The following PIK3C3 variants were observed in gnomAD, a reference collection of about 807,000 sequenced individuals.
The protein encoded by PIK3C3 is phosphatidylinositol 3-kinase catalytic subunit type 3.
Under a neutral mutation model 126.1 loss-of-function variants are expected in PIK3C3, and 95 were observed. The observed-to-expected ratio is 0.75, with a 90% confidence interval of 0.64 to 0.89. The LOEUF is 0.89. Ranked by LOEUF, PIK3C3 falls within the 40% of genes least tolerant of loss-of-function variation. The pLI is 0.00. For missense variants in PIK3C3, 829 were observed against 1,063.2 expected, an observed-to-expected ratio of 0.78 and a Z score of 3.06; for synonymous variants, 374 against 360.0, an observed-to-expected ratio of 1.04 and a Z score of -0.44.
intron 19 of PIK3C3, among the ~76,000 whole-genome samples, chr18:42,041,705 A>G (rs903072501): frequency 6.6e-6 from 1 of 151,974 alleles, no homozygotes; most frequent in Non-Finnish European, 1.5e-5. Flanking sequence ...GCCTTTCCCT[A>G]TTTAATTGTT....
chr18:42,086,846 G>A lies in PIK3C3; in HGVS notation c.*5709G>A, dbSNP rs1265060019. ...AACCAGCAGCTCATGCTGCTGGTCT[G>A]CCTATGGAGTAGCCATCCTTTCTTT... On this transcript the variant is annotated 3_prime_UTR_variant, in exon 25 of 25. Transcript: ENST00000262039. 6.6e-6 allele frequency: 1 copy of A among 152,184 alleles called. No individual in the cohort carries two copies. Among genetic ancestry groups the A allele is most frequent in the Non-Finnish European group, 1.5e-5 (1 of 68,024 alleles). The allele number at this position is 152,184 out of a possible 1,614,324, so 9.4% of individuals were successfully genotyped here.
chr18:41,981,907 C>T (rs1981222454), intron 4 of PIK3C3, among the ~76,000 whole-genome samples: 1 of 151,740 alleles, frequency 6.6e-6, no homozygotes, highest in South Asian at 2.1e-4. Context: ...TCTCTTCAGC[C>T]TGGGAGGCGG....
chr18:41,962,166 G>A (rs938062790), intron 2 of PIK3C3, among the ~76,000 whole-genome samples: 25 of 152,044 alleles, frequency 1.6e-4, no homozygotes, highest in African/African-American at 5.8e-4. Flanking sequence ...GAAAATCATG[G>A]TTTGTTTAAA....
intron 3 of PIK3C3, among the ~76,000 whole-genome samples, chr18:41,964,800 T>C (rs1037455318): frequency 1.3e-5 from 2 of 152,152 alleles, no homozygotes; most frequent in African/African-American, 4.8e-5. Flanking sequence ...AATATTAAAT[T>C]TTCCTATCCA....
intron 24 of PIK3C3, among the ~76,000 whole-genome samples, chr18:42,070,142 C>T (rs1237921632): frequency 6.6e-6 from 1 of 152,184 alleles, no homozygotes; most frequent in African/African-American, 2.4e-5. Context: ...CAAACTGCTG[C>T]TCTACAGCAT....
Position 42,040,661 on chromosome 18 carries a change from A to C in PIK3C3, c.2039-16A>C, listed in dbSNP as rs1378465929. 1.3e-6 allele frequency: 2 copies of C among 1,588,082 alleles called. No individual in the cohort carries two copies. Among genetic ancestry groups the C allele is most frequent in the Non-Finnish European group, 1.7e-6 (2 of 1,158,524 alleles). ...CCAGTAGCTATGCTTAATGCAGTGC[A>C]TACATTTCTGTGTAGGCTTCATGCA... On this transcript the variant is annotated splice_polypyrimidine_tract_variant and intron_variant, in intron 18 of 24. Transcript: ENST00000262039.
intron 10 of PIK3C3, among the ~76,000 whole-genome samples, chr18:42,005,862 A>G (rs898610435): frequency 1.3e-5 from 2 of 151,300 alleles, no homozygotes; most frequent in East Asian, 4.3e-4. Flanking sequence ...TGTCTTCAGC[A>G]GTTGCCAATT....
At chr18:42,066,815 G>T (rs143181421) in intron 23 of PIK3C3, among the ~76,000 whole-genome samples, 1,600 of 152,142 alleles carry the variant, frequency 0.011, 22 homozygotes, top group African/African-American at 0.036. Flanking sequence ...CTTTGGAAAC[G>T]ATAGACCTAT....
Position 42,049,593 on chromosome 18 carries a change from C to T in PIK3C3, c.2251C>T (p.Leu751=). The change falls in exon 21 of 25, where the codon CTA becomes TTA. Residue 751 remains leucine (L), a synonymous_variant. Coordinates refer to ENST00000262039, the MANE Select transcript of PIK3C3 (RefSeq NM_002647.4). The stretch of plus-strand genomic sequence containing the variant: ...AGACAGGCACCTGGATAACCTTTTG[C>T]TAACAAAAACAGGTAACAATTAATG... ...VGDRHLDNLL[L]TKTGKLFHID... is the part of the protein sequence containing the mutation. 1.2e-6 allele frequency: 2 copies of T among 1,611,100 alleles called. No homozygotes were observed. Among genetic ancestry groups the T allele is most frequent in the Non-Finnish European group, 1.7e-6 (2 of 1,177,340 alleles).
intron 22 of PIK3C3, among the ~76,000 whole-genome samples, chr18:42,058,611 ATC>A (rs1914169022): frequency 6.6e-6 from 1 of 152,168 alleles, no homozygotes; most frequent in Non-Finnish European, 1.5e-5. Context: ...TATGATTTTT[ATC>A]TCTTTTTAAC....
chr18:42,010,746 A>G (rs1982784357), intron 10 of PIK3C3, among the ~76,000 whole-genome samples: 1 of 152,172 alleles, frequency 6.6e-6, no homozygotes, highest in Non-Finnish European at 1.5e-5. Context: ...CATGAAGCTC[A>G]AATGTTCTTA....
chr18:42,041,947 C>A (rs117030334), intron 19 of PIK3C3, among the ~76,000 whole-genome samples: 1 of 152,176 alleles, frequency 6.6e-6, no homozygotes, highest in Admixed American at 6.5e-5. Context: ...AACATAGTAG[C>A]CCTAAGGTTG....
chr18:41,962,127 T>C (rs1456650613), intron 2 of PIK3C3, among the ~76,000 whole-genome samples: 3 of 152,192 alleles, frequency 2.0e-5, no homozygotes, highest in Non-Finnish European at 4.4e-5. Flanking sequence ...ATCTTCATAA[T>C]GTAAATTGGG....
intron 21 of PIK3C3, among the ~76,000 whole-genome samples, chr18:42,053,932 A>G (rs1373482923): frequency 6.6e-6 from 1 of 151,404 alleles, no homozygotes; most frequent in Non-Finnish European, 1.5e-5. Flanking sequence ...GGCCCTCCTG[A>G]TCTTGAGTTG....
At chr18:42,023,986 G>T (rs968409373) in intron 13 of PIK3C3, among the ~76,000 whole-genome samples, 1 of 152,130 alleles carries the variant, frequency 6.6e-6, no homozygotes, top group Non-Finnish European at 1.5e-5. Context: ...ACAGAGGGGC[G>T]TTACAGTCTC....
In PIK3C3 at chr18:41,958,644, A is replaced by G. The variant is rs1057472747; in HGVS notation, c.257+886A>G. On this transcript the variant is annotated intron_variant, in intron 2 of 24. Coordinates refer to ENST00000262039, the MANE Select transcript of PIK3C3 (RefSeq NM_002647.4). ...TCTTCAGTAGTCTTTGTGGAGAGAT[A>G]TCTGTCTGTCTGTCTGTCTATCTAG... Among the ~76,000 whole-genome samples the G allele has an allele frequency of 7.2e-5, 11 of 152,090 alleles. No individual in the cohort carries two copies. In the East Asian group the frequency reaches 2.1e-3, roughly 29 times the overall value.
chr18:42,055,615 C>T (rs1568003476), intron 21 of PIK3C3, among the ~76,000 whole-genome samples: 1 of 151,916 alleles, frequency 6.6e-6, no homozygotes, highest in Non-Finnish European at 1.5e-5. Flanking sequence ...GTGGGAAACT[C>T]ACTGGAGTAG....
At chr18:41,983,903 T>A (rs1419836332) in intron 4 of PIK3C3, among the ~76,000 whole-genome samples, 1 of 152,098 alleles carries the variant, frequency 6.6e-6, no homozygotes, top group Non-Finnish European at 1.5e-5. Context: ...AAATAGCTTT[T>A]AAAACTCCTT....
chr18:42,015,609 C>T (rs1983039601), intron 12 of PIK3C3, 43 bp downstream of exon 12: 2 of 1,323,970 alleles, frequency 1.5e-6, no homozygotes, highest in Non-Finnish European at 2.2e-6. Context: ...AGAGATCCTA[C>T]TGCATGAACA....
Sources: allele counts gnomAD v4.1 joint callset (sites outside exome capture counted in the v4.1 genomes callset), GRCh38; gene constraint gnomAD v4.1.1; transcripts MANE v1.5; gene names NCBI Gene and HGNC (gene_info 2026-07-23, HGNC 2026-07-21).